The following PDE4B variants were observed in gnomAD, a reference collection of about 807,000 sequenced individuals.
The protein encoded by PDE4B is 3',5'-cyclic-AMP phosphodiesterase 4B.
Under a neutral mutation model 82.2 loss-of-function variants are expected in PDE4B, and 20 were observed. That is an observed-to-expected ratio of 0.24 (90% CI 0.17 to 0.35). The LOEUF (loss-of-function observed/expected upper bound fraction) is 0.35. Among genes scored for constraint, PDE4B ranks in the 10% least tolerant of loss-of-function variants. PDE4B has a pLI of 1.00. For missense variants in PDE4B, 655 were observed against 907.2 expected, an observed-to-expected ratio of 0.72 and a Z score of 3.57; for synonymous variants, 320 against 318.9, an observed-to-expected ratio of 1.00 and a Z score of -0.04.
intron 3 of PDE4B, among the ~76,000 whole-genome samples, chr1:65,937,046 AT>A (rs1648189412): frequency 6.6e-6 from 1 of 152,162 alleles, no homozygotes; most frequent in Non-Finnish European, 1.5e-5. Flanking sequence ...AGGTTTCCTT[AT>A]GGTGGACTCT....
chr1:66,191,323 A>G (rs1160870065), intron 3 of PDE4B, among the ~76,000 whole-genome samples: 2 of 152,178 alleles, frequency 1.3e-5, no homozygotes, highest in African/African-American at 4.8e-5. Context: ...AATACTTTAA[A>G]CACTTAAGCA....
chr1:66,310,207 C>T (rs1658569667), intron 7 of PDE4B, among the ~76,000 whole-genome samples: 1 of 152,090 alleles, frequency 6.6e-6, no homozygotes, highest in South Asian at 2.1e-4. Flanking sequence ...AGAAAGAGAC[C>T]TCTAGACATC....
intron 3 of PDE4B, among the ~76,000 whole-genome samples, chr1:66,243,643 CTG>C (rs1446146389): frequency 6.6e-6 from 1 of 151,802 alleles, no homozygotes; most frequent in Non-Finnish European, 1.5e-5. Flanking sequence ...TCAATGGAGA[CTG>C]TAATGGGAAA....
intron 3 of PDE4B, among the ~76,000 whole-genome samples, chr1:66,010,726 G>A (rs958473907): frequency 1.4e-5 from 2 of 147,224 alleles, no homozygotes; most frequent in African/African-American, 5.0e-5. Flanking sequence ...GACATCATGT[G>A]ATGCCATACT....
At chr1:66,104,484 T>G (rs1645297975) in intron 3 of PDE4B, among the ~76,000 whole-genome samples, 1 of 143,214 alleles carries the variant, frequency 7.0e-6, no homozygotes, top group Non-Finnish European at 1.5e-5. Flanking sequence ...AAATGGTATT[T>G]CTAGTTCTAG....
chr1:66,123,577 A>C (rs1454442826), intron 3 of PDE4B, among the ~76,000 whole-genome samples: 9 of 77,624 alleles, frequency 1.2e-4, no homozygotes, highest in Non-Finnish European at 7.9e-5. Context: ...TTATTCTTTT[A>C]TTTGTCTTTT....
At chr1:66,311,398 GC>G (rs1658656501) in intron 7 of PDE4B, among the ~76,000 whole-genome samples, 1 of 152,254 alleles carries the variant, frequency 6.6e-6, no homozygotes, top group Non-Finnish European at 1.5e-5. Context: ...GAGAAGACAT[GC>G]CTTCACTGTC....
intron 3 of PDE4B, among the ~76,000 whole-genome samples, chr1:66,175,756 A>G (rs1023957963): frequency 1.3e-5 from 2 of 152,210 alleles, no homozygotes; most frequent in Non-Finnish European, 2.9e-5. Context: ...GCTATATAAT[A>G]GAACTGCATA....
At chr1:65,926,853 T>C (rs1357758741) in intron 3 of PDE4B, among the ~76,000 whole-genome samples, 2 of 151,458 alleles carry the variant, frequency 1.3e-5, no homozygotes, top group African/African-American at 4.9e-5. Flanking sequence ...CAAAGAAAAA[T>C]CTCTAAAGAA....
intron 3 of PDE4B, among the ~76,000 whole-genome samples, chr1:66,179,035 A>G (rs1647003249): frequency 6.6e-6 from 1 of 152,112 alleles, no homozygotes; most frequent in African/African-American, 2.4e-5. Context: ...TATTTTTAGT[A>G]GAGACGAGGT....
chr1:66,211,785 T>G (rs1361537891), intron 3 of PDE4B, among the ~76,000 whole-genome samples: 1 of 152,208 alleles, frequency 6.6e-6, no homozygotes, highest in Non-Finnish European at 1.5e-5. Flanking sequence ...CTTTGTGATG[T>G]TTTCAGTGTA....
chr1:66,050,855 A>G (rs1285548728), intron 3 of PDE4B: 1 of 152,158 alleles, frequency 6.6e-6, no homozygotes, highest in East Asian at 1.9e-4. Flanking sequence ...CATCCAAAGG[A>G]CAGACTGAAA....
intron 3 of PDE4B, among the ~76,000 whole-genome samples, chr1:65,956,390 C>A (rs1391101127): frequency 6.6e-6 from 1 of 152,052 alleles, no homozygotes; most frequent in African/African-American, 2.4e-5. Context: ...CTTTTTCAAG[C>A]AAAATCAATC....
intron 12 of PDE4B, among the ~76,000 whole-genome samples, chr1:66,364,781 A>G (rs568598256): frequency 6.6e-6 from 1 of 152,304 alleles, no homozygotes; most frequent in East Asian, 1.9e-4. Context: ...CACTGTTATT[A>G]ATAGTATACC....
chr1:66,236,765 C>A (rs968195817), intron 3 of PDE4B, among the ~76,000 whole-genome samples: 2 of 152,206 alleles, frequency 1.3e-5, no homozygotes, highest in Admixed American at 1.3e-4. Context: ...CTGATAAAAT[C>A]ACAGAAATGT....
chr1:66,320,433 T>C (rs1659317009), intron 7 of PDE4B, among the ~76,000 whole-genome samples: 1 of 152,108 alleles, frequency 6.6e-6, no homozygotes, highest in Admixed American at 6.5e-5. Flanking sequence ...AACACATGAA[T>C]GCAAAAGAAA....
At chr1:66,352,616 G>C (rs191405273) in intron 8 of PDE4B, among the ~76,000 whole-genome samples, 1 of 152,266 alleles carries the variant, frequency 6.6e-6, no homozygotes, top group East Asian at 1.9e-4. Flanking sequence ...ACCCTCTCTA[G>C]ACTGTTTGCT....
At chr1:65,818,861 G>T (rs868761313) in intron 1 of PDE4B, among the ~76,000 whole-genome samples, 1 of 152,006 alleles carries the variant, frequency 6.6e-6, no homozygotes, top group African/African-American at 2.4e-5. Flanking sequence ...TGGACCATAA[G>T]CTCAACAAAG....
intron 3 of PDE4B, among the ~76,000 whole-genome samples, chr1:65,975,810 G>C (rs1450255884): frequency 6.6e-6 from 1 of 152,212 alleles, no homozygotes; most frequent in African/African-American, 2.4e-5. Flanking sequence ...TGGGCTTGCA[G>C]GTGCACAGAA....
Sources: gnomAD v4.1 joint callset for allele counts (sites outside exome capture counted in the v4.1 genomes callset) on GRCh38, gnomAD v4.1.1 for gene constraint, MANE v1.5 for transcripts, NCBI Gene and HGNC (gene_info 2026-07-23, HGNC 2026-07-21) for gene names.